Variants in SPAG16 observed in about 807,000 individuals in gnomAD.
The protein encoded by SPAG16 is sperm associated antigen 16, also known as sperm-associated antigen 16 protein.
A neutral mutation model predicts 80.4 loss-of-function variants in SPAG16; 86 were observed. The observed-to-expected ratio is 1.07, with a 90% CI of 0.90 to 1.28. The LOEUF is 1.28. SPAG16 is among the 50% of genes most tolerant of loss of function. The pLI, the probability that SPAG16 is intolerant of heterozygous loss-of-function variation, is 0.00. For synonymous variants in SPAG16, 294 were observed against 265.9 expected (o/e 1.11, Z -1.03); for missense variants, 870 against 765.3 (o/e 1.14, Z -1.61).
At chr2:213,362,621 C>T (rs2066046083) in intron 7 of SPAG16, among the ~76,000 whole-genome samples, 1 of 152,132 alleles carries the variant, frequency 6.6e-6, no homozygotes, top group Non-Finnish European at 1.5e-5. Flanking sequence ...TCTTGCAAAT[C>T]CATAACTTTA....
intron 15 of SPAG16, among the ~76,000 whole-genome samples, chr2:214,306,318 G>T (rs1381530169): frequency 6.6e-6 from 1 of 152,150 alleles, no homozygotes; most frequent in African/African-American, 2.4e-5. Context: ...CATGTTGTCT[G>T]CAAATAGAGA....
chr2:214,101,964 T>C lies in SPAG16; in HGVS notation c.1528-6232T>C, dbSNP rs979184434. ...CAATGGAAAAGTCAATGGGTGAATA[T>C]GCTCCCGGGTTAGAACTACACTGAA... On this transcript the variant is annotated intron_variant, in intron 13 of 15. Coordinates refer to ENST00000331683, the MANE Select transcript of SPAG16 (RefSeq NM_024532.5). Among the ~76,000 whole-genome samples the C allele has an allele frequency of 3.3e-5, 5 of 152,118 alleles. No individual in the cohort carries two copies. The East Asian group carries it at 9.6e-4, about 29-fold the overall frequency.
chr2:213,944,834 T>C lies in SPAG16; in HGVS notation c.1400+14689T>C, dbSNP rs181835217. On this transcript the variant is annotated intron_variant, in intron 12 of 15. Coordinates refer to ENST00000331683, the MANE Select transcript of SPAG16 (RefSeq NM_024532.5). ...CTCTTGAATGGGAGTTGTGCCTTTA[T>C]AAAAAGAGACATGAGATGGCGAAAC... is the stretch of plus-strand genomic sequence containing the variant. 8.5e-4 allele frequency among the ~76,000 whole-genome samples: 130 copies of C among 152,084 alleles called. 1 individual carries two copies. The highest frequency in any genetic ancestry group is 1.2e-3 in the Non-Finnish European group (80 of 67,964).
At chr2:213,984,294 T>C (rs968495461) in intron 12 of SPAG16, among the ~76,000 whole-genome samples, 5 of 152,062 alleles carry the variant, frequency 3.3e-5, no homozygotes, top group Non-Finnish European at 5.9e-5. Context: ...GGGAACAAAA[T>C]GTTTGACAGT....
intron 10 of SPAG16, among the ~76,000 whole-genome samples, chr2:213,726,002 A>G (rs936295121): frequency 2.6e-5 from 4 of 152,326 alleles, no homozygotes; most frequent in African/African-American, 9.6e-5. Context: ...GCATTTCTCA[A>G]CATCTGTAGT....
In SPAG16 at chr2:213,513,753, C is replaced by A. The variant is rs75631366; in HGVS notation, c.1070+23663C>A. Among the ~76,000 whole-genome samples, 34 of 152,166 alleles carry A rather than the reference C, an allele frequency of 2.2e-4. No individual in the cohort carries two copies. In the East Asian group the frequency reaches 5.8e-3, roughly 26 times the overall value. ...TTTCTGCTTTATACTTAAGCTGGTCCCCTTCATATTTATGAGGTGGCTGCT... is the reference window on the plus strand; with the variant it reads ...TTTCTGCTTTATACTTAAGCTGGTCACCTTCATATTTATGAGGTGGCTGCT... On this transcript the variant is annotated intron_variant, in intron 10 of 15. Transcript: ENST00000331683.
chr2:213,718,346 G>A (rs1373432607), intron 10 of SPAG16, among the ~76,000 whole-genome samples: 5 of 151,932 alleles, frequency 3.3e-5, no homozygotes, highest in African/African-American at 4.8e-5. Flanking sequence ...CAGAGCCCTC[G>A]CTTGCTCTCG....
At chr2:213,795,883 T>C (rs1190881404) in intron 10 of SPAG16, among the ~76,000 whole-genome samples, 1 of 152,218 alleles carries the variant, frequency 6.6e-6, no homozygotes, top group African/African-American at 2.4e-5. Context: ...CTATGCTTTC[T>C]GTACAGCCTG....
At chr2:213,708,514 C>G (rs2065849799) in intron 10 of SPAG16, among the ~76,000 whole-genome samples, 1 of 152,074 alleles carries the variant, frequency 6.6e-6, no homozygotes, top group African/African-American at 2.4e-5. Context: ...CCAGCCTGGG[C>G]TGGGTGTGGT....
At position 213,297,286 on chromosome 2, in the gene SPAG16, C is replaced by A; in HGVS notation, c.208C>A (p.Pro70Thr). The A allele has an allele frequency of 6.2e-7, 1 of 1,612,264 alleles. No homozygotes were observed. Among genetic ancestry groups the A allele is most frequent in the South Asian group, 1.1e-5 (1 of 90,932 alleles). Reference sequence around the variant, plus strand: ...GATACCAGATGACAATTTTAGCATCCCAGAAGGTGAAGAAGATCTGGCAAA... The same window carrying A: ...GATACCAGATGACAATTTTAGCATCACAGAAGGTGAAGAAGATCTGGCAAA... ...EEIPDDNFSI[P>T]EGEEDLAKAI... is the part of the protein sequence containing the mutation. Residue 70 changes from proline to threonine, a missense_variant, in exon 3 of 16, where the codon CCA becomes ACA. Physicochemically the swap from Pro to Thr is conservative, Grantham distance 38. Transcript: ENST00000331683.
chr2:213,718,687 C>T (rs1484797295), intron 10 of SPAG16, among the ~76,000 whole-genome samples: 3 of 152,212 alleles, frequency 2.0e-5, no homozygotes, highest in African/African-American at 4.8e-5. Context: ...GGCCCACCTG[C>T]GCTGTGCTCG....
At chr2:213,544,302 A>C (rs536718226) in intron 10 of SPAG16, among the ~76,000 whole-genome samples, 1 of 152,186 alleles carries the variant, frequency 6.6e-6, no homozygotes, top group East Asian at 1.9e-4. Context: ...ATATTCTGTG[A>C]GTACAATACC....
chr2:214,098,242 T>C (rs1244831886), intron 13 of SPAG16, among the ~76,000 whole-genome samples: 4 of 152,080 alleles, frequency 2.6e-5, no homozygotes, highest in Non-Finnish European at 5.9e-5. Flanking sequence ...TAATGGCTAT[T>C]GTATTCCTAA....
chr2:213,657,811 T>C (rs1337680814), intron 10 of SPAG16, among the ~76,000 whole-genome samples: 2 of 151,744 alleles, frequency 1.3e-5, no homozygotes, highest in East Asian at 3.9e-4. Flanking sequence ...ACATTTATAC[T>C]AGCTTCTTTT....
At chr2:213,467,273 G>T (rs1484583681) in intron 9 of SPAG16, among the ~76,000 whole-genome samples, 1 of 152,172 alleles carries the variant, frequency 6.6e-6, no homozygotes, top group Non-Finnish European at 1.5e-5. Flanking sequence ...GGTGGAGTTG[G>T]ACCAGTATGG....
At chr2:213,847,302 T>A (rs2074679439) in intron 10 of SPAG16, among the ~76,000 whole-genome samples, 1 of 152,166 alleles carries the variant, frequency 6.6e-6, no homozygotes, top group South Asian at 2.1e-4. Context: ...CTGGGTATTT[T>A]ATAAAGAAAA....
intron 15 of SPAG16, among the ~76,000 whole-genome samples, chr2:214,338,838 G>T (rs1464052555): frequency 6.6e-6 from 1 of 152,262 alleles, no homozygotes. Context: ...TGCCACTACA[G>T]AATAGTTGCG....
chr2:213,590,763 T>C (rs1454321217), intron 10 of SPAG16, among the ~76,000 whole-genome samples: 2 of 152,194 alleles, frequency 1.3e-5, no homozygotes, highest in Non-Finnish European at 1.5e-5. Context: ...GTACTAAAAT[T>C]AGAATTACTG....
chr2:214,362,045 C>A (rs1312389394), intron 15 of SPAG16, among the ~76,000 whole-genome samples: 1 of 151,816 alleles, frequency 6.6e-6, no homozygotes, highest in Non-Finnish European at 1.5e-5. Flanking sequence ...TGGTAACAAA[C>A]AATCCCCAAA....
Sources: gnomAD v4.1 joint callset for allele counts (sites outside exome capture counted in the v4.1 genomes callset) on GRCh38, gnomAD v4.1.1 for gene constraint, MANE v1.5 for transcripts, NCBI Gene and HGNC (gene_info 2026-07-23, HGNC 2026-07-21) for gene names.